GPC6: variants seen among roughly 807,000 people sequenced by gnomAD.
The protein encoded by GPC6 is glypican 6, also known as glypican-6.
A neutral mutation model predicts 55.2 loss-of-function variants in GPC6; 14 were observed. The observed-to-expected ratio is 0.25, with a 90% confidence interval of 0.17 to 0.40. The LOEUF (loss-of-function observed/expected upper bound fraction) is 0.40, where lower values mean the gene tolerates loss of function less well. Among genes scored for constraint, GPC6 ranks in the 10% least tolerant of loss-of-function variants. The pLI is 1.00. For missense variants in GPC6, 641 were observed against 708.5 expected, an observed-to-expected ratio of 0.90 and a Z score of 1.08; for synonymous variants, 278 against 259.6, an observed-to-expected ratio of 1.07 and a Z score of -0.68.
chr13:93,385,583 A>G (rs1271355773), intron 1 of GPC6, among the ~76,000 whole-genome samples: 2 of 152,202 alleles, frequency 1.3e-5, no homozygotes, highest in Admixed American at 6.5e-5. Context: ...GGGATTCAGA[A>G]CTCACTCATG....
chr13:94,326,634 T>G (rs892494409), intron 6 of GPC6, among the ~76,000 whole-genome samples: 3 of 152,208 alleles, frequency 2.0e-5, no homozygotes, highest in African/African-American at 7.2e-5. Flanking sequence ...TTACCATCAA[T>G]AAACCTACAT....
chr13:93,311,665 A>C (rs1879070957), intron 1 of GPC6, among the ~76,000 whole-genome samples: 1 of 152,210 alleles, frequency 6.6e-6, no homozygotes, highest in Non-Finnish European at 1.5e-5. Flanking sequence ...CTAGAGACAT[A>C]GATTCTTTGT....
At chr13:94,259,991 AT>A (rs1258582007) in intron 4 of GPC6, among the ~76,000 whole-genome samples, 1 of 152,168 alleles carries the variant, frequency 6.6e-6, no homozygotes, top group African/African-American at 2.4e-5. Flanking sequence ...GAATGATGTT[AT>A]GGTGTACATG....
chr13:93,997,339 G>A (rs1881600643), intron 3 of GPC6, among the ~76,000 whole-genome samples: 1 of 151,930 alleles, frequency 6.6e-6, no homozygotes. Context: ...TCTTCTCTTT[G>A]GTAGGATTAC....
At chr13:94,172,268 A>G (rs540345842) in intron 4 of GPC6, among the ~76,000 whole-genome samples, 2 of 152,156 alleles carry the variant, frequency 1.3e-5, no homozygotes, top group Non-Finnish European at 2.9e-5. Flanking sequence ...CGTATCTCAT[A>G]GATTCCATAT....
At chr13:93,890,194 A>G (rs1428353826) in intron 3 of GPC6, among the ~76,000 whole-genome samples, 2 of 152,036 alleles carry the variant, frequency 1.3e-5, no homozygotes, top group African/African-American at 4.8e-5. Context: ...CCAACAGTAG[A>G]TTATTGTATT....
Position 93,789,247 on chromosome 13 carries a change from A to T in GPC6, c.320-40907A>T, listed in dbSNP as rs554935171. ...CCAGTTGGCTCTAAGAATACAGGTT[A>T]GAAAATGAGTCAGAGCAGAAGATAT... On this transcript the variant is annotated intron_variant, in intron 2 of 8. Coordinates refer to ENST00000377047, the MANE Select transcript of GPC6 (RefSeq NM_005708.5). Among the ~76,000 whole-genome samples, 10 of 152,172 alleles carry T rather than the reference A, an allele frequency of 6.6e-5. No homozygotes were observed. In the South Asian group the frequency reaches 2.1e-3, roughly 32 times the overall value.
intron 2 of GPC6, among the ~76,000 whole-genome samples, chr13:93,806,957 A>C: frequency 6.6e-6 from 1 of 152,202 alleles, no homozygotes; most frequent in African/African-American, 2.4e-5. Flanking sequence ...AAATATATTA[A>C]GGCAATAAAC....
At chr13:93,240,208 A>G (rs1401635794) in intron 1 of GPC6, among the ~76,000 whole-genome samples, 1 of 151,918 alleles carries the variant, frequency 6.6e-6, no homozygotes, top group Admixed American at 6.6e-5. Context: ...TCAATGATCT[A>G]GCTAGTGTTG....
chr13:93,865,146 T>A (rs1336711652), intron 3 of GPC6, among the ~76,000 whole-genome samples: 4 of 151,648 alleles, frequency 2.6e-5, no homozygotes, highest in African/African-American at 9.7e-5. Context: ...AAAGTTCCTT[T>A]GAGGCCCTTA....
At chr13:93,809,758 C>T (rs996364571) in intron 2 of GPC6, among the ~76,000 whole-genome samples, 4 of 152,100 alleles carry the variant, frequency 2.6e-5, no homozygotes, top group African/African-American at 9.7e-5. Context: ...CTGGTGTTCC[C>T]AGTACTCTAT....
chr13:93,671,087 T>C lies in GPC6; in HGVS notation c.319+125666T>C, dbSNP rs141975073. Among the ~76,000 whole-genome samples, 359 of 152,252 alleles carry C rather than the reference T, an allele frequency of 2.4e-3. 1 individual carries two copies. The highest frequency in any genetic ancestry group is 8.3e-3 in the African/African-American group (345 of 41,570). The stretch of plus-strand genomic sequence containing the variant: ...GGTTTCTCATTACCTACAGCAGCAT[T>C]TGCCAAAGTCTGTGCCATGAACAAC... On this transcript the variant is annotated intron_variant, in intron 2 of 8. Transcript: ENST00000377047.
intron 1 of GPC6, among the ~76,000 whole-genome samples, chr13:93,267,645 A>G (rs1877369117): frequency 6.6e-6 from 1 of 152,148 alleles, no homozygotes; most frequent in Non-Finnish European, 1.5e-5. Flanking sequence ...AATTTTCTCA[A>G]TGCCTAATTT....
At chr13:93,381,812 A>G (rs1341800229) in intron 1 of GPC6, among the ~76,000 whole-genome samples, 1 of 152,138 alleles carries the variant, frequency 6.6e-6, no homozygotes, top group Non-Finnish European at 1.5e-5. Context: ...ACACTGCTTC[A>G]TTCATTCTTT....
chr13:94,016,704 A>G (rs1381298083), intron 3 of GPC6, among the ~76,000 whole-genome samples: 2 of 152,234 alleles, frequency 1.3e-5, no homozygotes, highest in African/African-American at 4.8e-5. Context: ...GTCCATAAAC[A>G]TGGGATGTAT....
At chr13:94,162,615 G>A (rs1032151957) in intron 4 of GPC6, among the ~76,000 whole-genome samples, 5 of 152,088 alleles carry the variant, frequency 3.3e-5, no homozygotes, top group Non-Finnish European at 1.5e-5. Context: ...GCGAAAGGAG[G>A]GAATGGAGAG....
chr13:93,227,283 T>G lies in GPC6; in HGVS notation c.-174T>G. 1.8e-6 allele frequency: 1 copy of G among 560,412 alleles called. No individual in the cohort carries two copies. The highest frequency in any genetic ancestry group is 2.6e-5 in the South Asian group (1 of 39,212). 34.7% of individuals were successfully genotyped at this position (560,412 alleles called of 1,614,324 possible). Reference sequence around the variant, plus strand: ...CATCGTCCATCTGGCTTATAAAAGTTTGCTGAGCGCAGTCCAGAGGGCTGC... The same window carrying G: ...CATCGTCCATCTGGCTTATAAAAGTGTGCTGAGCGCAGTCCAGAGGGCTGC... On this transcript the variant is annotated 5_prime_UTR_variant, in exon 1 of 9. Coordinates refer to ENST00000377047, the MANE Select transcript of GPC6 (RefSeq NM_005708.5). This position sits in a 1 kb window ranked among gnomAD's most constrained non-coding sequence, Gnocchi z 4.3.
rs552770562 is a variant in GPC6, at chr13:93,719,566, A to G, written c.320-110588A>G. 2.6e-3 allele frequency among the ~76,000 whole-genome samples: 394 copies of G among 152,108 alleles called. 2 individuals are homozygous for G. Among genetic ancestry groups the G allele is most frequent in the African/African-American group, 9.1e-3 (380 of 41,532 alleles). ...TGAGTTCCTCTCTTCATATTTGAAC[A>G]TGCTTTATTTATTTCTCTTGCCTGA... On this transcript the variant is annotated intron_variant, in intron 2 of 8. Coordinates refer to ENST00000377047, the MANE Select transcript of GPC6 (RefSeq NM_005708.5).
intron 4 of GPC6, among the ~76,000 whole-genome samples, chr13:94,142,126 G>A (rs1225163847): frequency 3.9e-5 from 6 of 152,080 alleles, no homozygotes; most frequent in African/African-American, 1.2e-4. Flanking sequence ...ACTCTGGTGG[G>A]AATTTAGAAT....
Sources: gnomAD v4.1 joint callset for allele counts (sites outside exome capture counted in the v4.1 genomes callset) on GRCh38, gnomAD v4.1.1 for gene constraint, Gnocchi (gnomAD v3.1) non-coding constraint, MANE v1.5 for transcripts, NCBI Gene and HGNC (gene_info 2026-07-23, HGNC 2026-07-21) for gene names.